Variants in SUZ12 observed in about 807,000 individuals in gnomAD.
SUZ12 encodes the protein polycomb protein SUZ12.
A neutral mutation model predicts 87.3 loss-of-function variants in SUZ12; 17 were observed. That is an observed-to-expected ratio of 0.19 (90% CI 0.13 to 0.29). SUZ12 has a LOEUF of 0.29. SUZ12 is among the 10% of genes least tolerant of loss of function. The pLI, the probability that SUZ12 is intolerant of heterozygous loss-of-function variation, is 1.00. For synonymous variants in SUZ12, 253 were observed against 312.4 expected (o/e 0.81, Z 2.01); for missense variants, 526 against 912.2 (o/e 0.58, Z 5.45).
In SUZ12 at chr17:31,996,787, CT is replaced by C; in HGVS notation, c.1795-6del. ...ATGTGTTTAATAGGTGTTTTTCTTT[CT>C]TTTTCCCAGCAAATTGAAGAGTTTT... On this transcript the variant is annotated splice_polypyrimidine_tract_variant and intron_variant, in intron 14 of 15. Transcript: ENST00000322652. The C allele has an allele frequency of 1.3e-6, 2 of 1,531,674 alleles. No homozygotes were observed. Among genetic ancestry groups the C allele is most frequent in the South Asian group, 1.3e-5 (1 of 76,468 alleles). The allele number at this position is 1,531,674 out of a possible 1,614,324, so 94.9% of individuals were successfully genotyped here. A position where few individuals can be genotyped will look rare whatever the true frequency, so the allele number is the denominator to read the frequency against.
chr17:31,995,375 T>A (rs1357899820), intron 13 of SUZ12, among the ~76,000 whole-genome samples, 189 bp from the exon 14 acceptor site: 1 of 152,228 alleles, frequency 6.6e-6, no homozygotes, highest in African/African-American at 2.4e-5. Flanking sequence ...AATTAATATG[T>A]AATAGGTTTG....
intron 1 of SUZ12, among the ~76,000 whole-genome samples, chr17:31,938,554 T>C (rs1906079013): frequency 6.6e-6 from 1 of 152,220 alleles, no homozygotes; most frequent in Non-Finnish European, 1.5e-5. Flanking sequence ...ATAGAAGGAA[T>C]TTCAGTTTTT....
chr17:31,972,798 G>T (rs1908518532), intron 5 of SUZ12, among the ~76,000 whole-genome samples: 1 of 150,046 alleles, frequency 6.7e-6, no homozygotes, highest in Admixed American at 6.7e-5. Context: ...GTGCTGATGT[G>T]TGAGGATCAC....
chr17:31,954,363 C>CT (rs974761144), intron 4 of SUZ12, among the ~76,000 whole-genome samples: 60 of 152,236 alleles, frequency 3.9e-4, no homozygotes, highest in African/African-American at 1.4e-3. Flanking sequence ...GCCCAGCCAA[C>CT]TTTGTTTTTG....
chr17:31,998,997 ACT>A lies in SUZ12; in HGVS notation c.2217_2218del (p.Ter740LysfsTer16). 1.3e-6 allele frequency: 2 copies of A among 1,541,904 alleles called. No individual in the cohort carries two copies. The highest frequency in any genetic ancestry group is 8.7e-7 in the Non-Finnish European group (1 of 1,150,982). On this transcript the variant is annotated frameshift_variant, in exon 16 of 16. Coordinates refer to ENST00000322652, the MANE Select transcript of SUZ12 (RefSeq NM_015355.4). LOFTEE classifies it high-confidence loss of function. The stretch of plus-strand genomic sequence containing the variant: ...TTTCAAAACAGAGCAAAAAACAAAA[ACT>A]CTGAAAAGCTCTAACCCCATGTTAT... ...GVSKQSKKQK[L>X]
chr17:31,946,788 A>C (rs1906665320), intron 3 of SUZ12, among the ~76,000 whole-genome samples: 1 of 152,204 alleles, frequency 6.6e-6, no homozygotes, highest in Admixed American at 6.5e-5. Context: ...AAGAACTAAG[A>C]TGAGGCTTGT....
intron 5 of SUZ12, among the ~76,000 whole-genome samples, chr17:31,969,860 CCTCT>C (rs1274111369): frequency 6.6e-6 from 1 of 151,892 alleles, no homozygotes; most frequent in Non-Finnish European, 1.5e-5. Flanking sequence ...ATAGTGGGAC[CCTCT>C]CTCAAAACAA....
At chr17:31,937,558 C>G in intron 1 of SUZ12, 38 bp downstream of exon 1, 1 of 1,529,262 alleles carries the variant, frequency 6.5e-7, no homozygotes, top group Non-Finnish European at 8.7e-7. Flanking sequence ...GGAAGACCCA[C>G]TCTGCCAACA....
intron 3 of SUZ12, among the ~76,000 whole-genome samples, chr17:31,940,701 C>CT (rs796594350): frequency 2.5e-4 from 36 of 145,746 alleles, no homozygotes; most frequent in East Asian, 5.9e-4. Context: ...TTGTTATTAG[C>CT]TTTTTTTTTT....
intron 14 of SUZ12, among the ~76,000 whole-genome samples, 196 bp downstream of exon 14, chr17:31,995,958 T>G (rs941126224): frequency 6.6e-6 from 1 of 152,138 alleles, no homozygotes; most frequent in Non-Finnish European, 1.5e-5. Context: ...CTCACACCTG[T>G]AATCCTAGCA....
chr17:31,978,383 A>G (rs1908881638), intron 8 of SUZ12, among the ~76,000 whole-genome samples: 1 of 151,810 alleles, frequency 6.6e-6, no homozygotes, highest in African/African-American at 2.4e-5. Context: ...TAATTTTTGT[A>G]TTTTTAGTAG....
intron 4 of SUZ12, among the ~76,000 whole-genome samples, chr17:31,957,407 T>C (rs1479697276): frequency 6.6e-6 from 1 of 151,714 alleles, no homozygotes; most frequent in Admixed American, 6.6e-5. Context: ...ACCCGGATAA[T>C]TTTTGTATTC....
intron 5 of SUZ12, chr17:31,966,769 A>G (rs1004718435): frequency 1.3e-5 from 2 of 152,286 alleles, no homozygotes; most frequent in Non-Finnish European, 1.5e-5. Flanking sequence ...AACAACTGAA[A>G]TAACCACTAT....
At chr17:31,972,383 GTATATATA>G (rs71142099) in intron 5 of SUZ12, among the ~76,000 whole-genome samples, 6 of 144,692 alleles carry the variant, frequency 4.1e-5, no homozygotes, top group Admixed American at 2.1e-4. Context: ...GTTTGTGTGT[GTATATATA>G]TATATATATA....
intron 11 of SUZ12, 24 bp from the exon 12 acceptor site, chr17:31,993,841 C>G: frequency 2.3e-6 from 3 of 1,280,634 alleles, no homozygotes; most frequent in Non-Finnish European, 3.2e-6. Context: ...TGGAGATTTG[C>G]TTTTTTTTTT....
chr17:31,974,275 C>T (rs954496689), intron 6 of SUZ12, among the ~76,000 whole-genome samples: 4 of 152,172 alleles, frequency 2.6e-5, no homozygotes, highest in Non-Finnish European at 5.9e-5. Context: ...TGGCTCACGC[C>T]TGTAATCCCA....
At chr17:31,984,277 G>A (rs1481885066) in intron 9 of SUZ12, among the ~76,000 whole-genome samples, 1 of 152,202 alleles carries the variant, frequency 6.6e-6, no homozygotes, top group East Asian at 1.9e-4. Context: ...CATGATAAAG[G>A]TGGTGGTATA....
chr17:31,955,724 G>A (rs1907278613), intron 4 of SUZ12, among the ~76,000 whole-genome samples: 1 of 151,548 alleles, frequency 6.6e-6, no homozygotes, highest in Non-Finnish European at 1.5e-5. Flanking sequence ...CTCCAGCATG[G>A]GCGACAGAGT....
At chr17:31,955,877 C>T (rs116538004) in intron 4 of SUZ12, among the ~76,000 whole-genome samples, 9 of 151,836 alleles carry the variant, frequency 5.9e-5, no homozygotes, top group Non-Finnish European at 1.3e-4. Flanking sequence ...CCATTACACC[C>T]AGCCTGTTGT....
Sources: allele counts gnomAD v4.1 joint callset (sites outside exome capture counted in the v4.1 genomes callset), GRCh38; gene constraint gnomAD v4.1.1; transcripts MANE v1.5; gene names NCBI Gene and HGNC (gene_info 2026-07-23, HGNC 2026-07-21).